Variants in RBMS1 observed in about 807,000 individuals in gnomAD.
RBMS1 encodes RNA-binding motif, single-stranded-interacting protein 1.
In RBMS1, 17 loss-of-function variants were observed where a neutral mutation model predicts 62.3. That is an observed-to-expected ratio of 0.27 (90% CI 0.19 to 0.41). The LOEUF (loss-of-function observed/expected upper bound fraction) is 0.41, where lower values mean the gene tolerates loss of function less well. Ranked by LOEUF, RBMS1 falls within the 10% of genes least tolerant of loss-of-function variation. RBMS1 has a pLI of 1.00. For synonymous variants in RBMS1, 172 were observed against 170.0 expected (o/e 1.01, Z -0.09); for missense variants, 334 against 504.5 (o/e 0.66, Z 3.24).
In RBMS1 at chr2:160,417,139, GCACA is replaced by G. The variant is rs373434547; in HGVS notation, c.76-49752_76-49749del. Among the ~76,000 whole-genome samples, 3 of 151,638 alleles carry G rather than the reference GCACA, an allele frequency of 2.0e-5. No homozygotes were observed. In the South Asian group the frequency reaches 6.2e-4, roughly 32 times the overall value. ...ATGAGGTAAAAGTTTTCTTGCGCGT[GCACA>G]CACACACACGCATGCACACACACAC... is the stretch of plus-strand genomic sequence containing the variant. On this transcript the variant is annotated intron_variant, in intron 1 of 13. Transcript: ENST00000348849.
At chr2:160,281,204 G>T in intron 10 of RBMS1, 110 bp downstream of exon 10, 1 of 722,394 alleles carries the variant, frequency 1.4e-6, no homozygotes, top group Non-Finnish European at 2.1e-6. Flanking sequence ...CATATTCCAT[G>T]TTTAAAATTT....
At chr2:160,454,217 A>G (rs749990131) in intron 1 of RBMS1, among the ~76,000 whole-genome samples, 3 of 152,216 alleles carry the variant, frequency 2.0e-5, no homozygotes, top group Non-Finnish European at 4.4e-5. Flanking sequence ...AGACTGTTTA[A>G]ACTAGACATA....
chr2:160,321,528 C>A (rs1235967993), intron 2 of RBMS1, among the ~76,000 whole-genome samples: 1 of 152,112 alleles, frequency 6.6e-6, no homozygotes, highest in Non-Finnish European at 1.5e-5. Context: ...GTTTTTCTCT[C>A]TTCCTCTTTC....
At position 160,273,782 on chromosome 2, in the gene RBMS1, C is replaced by G. The variant is rs1553498037; in HGVS notation, c.*990G>C. ...ACATCAAGTTAGCTTTTTTTTTTTC[C>G]TGAAAAAAGGCAAAAAAGACTTTAC... On this transcript the variant is annotated 3_prime_UTR_variant, in exon 14 of 14. Coordinates refer to ENST00000348849, the MANE Select transcript of RBMS1 (RefSeq NM_016836.4). 2 of 118,380 alleles carry G rather than the reference C, an allele frequency of 1.7e-5. No homozygotes were observed. The highest frequency in any genetic ancestry group is 6.1e-5 in the African/African-American group (2 of 32,636). 7.3% of individuals were successfully genotyped at this position (118,380 alleles called of 1,614,324 possible).
chr2:160,342,500 T>C (rs1012507290), intron 2 of RBMS1, among the ~76,000 whole-genome samples: 8 of 152,056 alleles, frequency 5.3e-5, no homozygotes, highest in Non-Finnish European at 1.2e-4. Flanking sequence ...GAGGCACATA[T>C]CAAGTTAGCA....
chr2:160,438,277 TTA>T (rs1491357306), intron 1 of RBMS1, among the ~76,000 whole-genome samples: 1 of 150,348 alleles, frequency 6.7e-6, no homozygotes, highest in Admixed American at 6.6e-5. Flanking sequence ...TTTTTTTTTT[TTA>T]TTGATCATTC....
In RBMS1 at chr2:160,332,056, T is replaced by C. The variant is rs73969161; in HGVS notation, c.252-13829A>G. On this transcript the variant is annotated intron_variant, in intron 2 of 13. Transcript: ENST00000348849. Reference sequence around the variant, plus strand: ...AAAGAGTGATAAAAGATGGTGGTTGTTGGAGTTTGTGTTCTTTTTGACTCT... The same window carrying C: ...AAAGAGTGATAAAAGATGGTGGTTGCTGGAGTTTGTGTTCTTTTTGACTCT... Among the ~76,000 whole-genome samples the C allele has an allele frequency of 8.5e-3, 1,298 of 152,298 alleles. 19 individuals are homozygous for C. Among genetic ancestry groups the C allele is most frequent in the African/African-American group, 0.03 (1,243 of 41,562 alleles).
At chr2:160,361,298 A>G (rs1413322857) in intron 2 of RBMS1, among the ~76,000 whole-genome samples, 1 of 152,222 alleles carries the variant, frequency 6.6e-6, no homozygotes. Flanking sequence ...ACTCTCAGAC[A>G]TTTACTCCAC....
rs1682603000 is a variant in RBMS1, at chr2:160,426,292, A to AG, written c.76-58902_76-58901insC. The stretch of plus-strand genomic sequence containing the variant: ...AAGAAAGAAAGAAAGAAAGAAAGAA[A>AG]AGAAAGAAGGAAGGAAGGAAGGAAG... On this transcript the variant is annotated intron_variant, in intron 1 of 13. Transcript: ENST00000348849. Among the ~76,000 whole-genome samples the AG allele has an allele frequency of 1.8e-3, 158 of 88,830 alleles. 1 individual carries two copies. Among genetic ancestry groups the AG allele is most frequent in the Admixed American group, 6.5e-3 (52 of 8,020 alleles). 58.3% of individuals were successfully genotyped at this position (88,830 alleles called of 152,430 possible).
chr2:160,276,232 A>T lies in RBMS1; in HGVS notation c.1144-518T>A, dbSNP rs536325078. Reference sequence around the variant, plus strand: ...TTTATGCTAAAGTAGTTACAAAGATAATTTTTATTTTCAGATTTCTTTTTG... The same window carrying T: ...TTTATGCTAAAGTAGTTACAAAGATTATTTTTATTTTCAGATTTCTTTTTG... On this transcript the variant is annotated intron_variant, in intron 12 of 13. Coordinates refer to ENST00000348849, the MANE Select transcript of RBMS1 (RefSeq NM_016836.4). Among the ~76,000 whole-genome samples, 8 of 152,310 alleles carry T rather than the reference A, an allele frequency of 5.3e-5. No individual in the cohort carries two copies. In the East Asian group the frequency reaches 1.5e-3, roughly 29 times the overall value.
intron 6 of RBMS1, among the ~76,000 whole-genome samples, chr2:160,299,993 G>T (rs993304664): frequency 1.3e-5 from 2 of 152,192 alleles, no homozygotes; most frequent in Non-Finnish European, 2.9e-5. Context: ...ATTCTGTCAT[G>T]ACAGTGTGAA....
chr2:160,293,819 G>C (rs1245649439), intron 6 of RBMS1, among the ~76,000 whole-genome samples: 6 of 152,166 alleles, frequency 3.9e-5, no homozygotes, highest in Non-Finnish European at 5.9e-5. Context: ...TCCTAGAAGA[G>C]CATTTTTAGA....
chr2:160,347,348 C>A (rs1222074818), intron 2 of RBMS1, among the ~76,000 whole-genome samples: 1 of 152,098 alleles, frequency 6.6e-6, no homozygotes, highest in Non-Finnish European at 1.5e-5. Flanking sequence ...TGCCAAAACA[C>A]AAGATTCTCA....
chr2:160,484,390 G>A (rs1009281145), intron 1 of RBMS1, among the ~76,000 whole-genome samples: 1 of 151,342 alleles, frequency 6.6e-6, no homozygotes, highest in African/African-American at 2.4e-5. Context: ...AGCTACTCGG[G>A]ATGCTGAGGC....
At chr2:160,406,229 A>G (rs771546861) in intron 1 of RBMS1, among the ~76,000 whole-genome samples, 1 of 152,248 alleles carries the variant, frequency 6.6e-6, no homozygotes, top group Non-Finnish European at 1.5e-5. Flanking sequence ...GAAAAGAACC[A>G]AAGACCAGAA....
At chr2:160,402,066 C>CA in intron 1 of RBMS1, 1 of 152,324 alleles carries the variant, frequency 6.6e-6, no homozygotes, top group South Asian at 2.1e-4. Context: ...CCCTAGACCA[C>CA]ACAGAAGTCT....
At chr2:160,385,616 C>A (rs1260078061) in intron 1 of RBMS1, among the ~76,000 whole-genome samples, 1 of 152,196 alleles carries the variant, frequency 6.6e-6, no homozygotes, top group East Asian at 1.9e-4. Flanking sequence ...AATCTCAAAA[C>A]TTCCAGGATG....
At chr2:160,376,534 G>A (rs1186988538) in intron 1 of RBMS1, among the ~76,000 whole-genome samples, 1 of 152,014 alleles carries the variant, frequency 6.6e-6, no homozygotes, top group Non-Finnish European at 1.5e-5. Context: ...AAATCTAGTA[G>A]CTTATATCTG....
chr2:160,420,101 G>A (rs1177496824), intron 1 of RBMS1, among the ~76,000 whole-genome samples: 1 of 152,000 alleles, frequency 6.6e-6, no homozygotes, highest in Non-Finnish European at 1.5e-5. Context: ...CCAAATTGTT[G>A]TATACCCTGC....
Sources: gnomAD v4.1 joint callset for allele counts (sites outside exome capture counted in the v4.1 genomes callset) on GRCh38, gnomAD v4.1.1 for gene constraint, MANE v1.5 for transcripts, NCBI Gene and HGNC (gene_info 2026-07-23, HGNC 2026-07-21) for gene names.